The following PLA2G4E variants were observed in gnomAD, a reference collection of about 807,000 sequenced individuals.
PLA2G4E encodes phospholipase A2 group IVE.
PLA2G4E carries 84 observed loss-of-function variants against 109.1 expected under a neutral mutation model. The observed-to-expected ratio is 0.77, with a 90% CI of 0.65 to 0.92. The LOEUF (loss-of-function observed/expected upper bound fraction) is 0.92. PLA2G4E is among the 40% of genes least tolerant of loss of function. The probability of loss-of-function intolerance (pLI) is 0.00; values close to 1 mark genes in which losing one functional copy is unlikely to be tolerated. For synonymous variants in PLA2G4E, 469 were observed against 436.1 expected (o/e 1.08, Z -0.94); for missense variants, 1,057 against 1,076.6 (o/e 0.98, Z 0.25).
intron 9 of PLA2G4E, among the ~76,000 whole-genome samples, 152 bp downstream of exon 9, chr15:41,999,765 G>C (rs763904584): frequency 1.5e-4 from 23 of 152,110 alleles, no homozygotes; most frequent in Non-Finnish European, 2.8e-4. Flanking sequence ...TAGCTCATCA[G>C]TCTCCTGCCC....
intron 5 of PLA2G4E, among the ~76,000 whole-genome samples, chr15:42,004,297 AGAAAGAAAGAAAGGAAAGAAAAG>A (rs199501136): frequency 9.0e-5 from 7 of 77,420 alleles, no homozygotes; most frequent in East Asian, 1.5e-3. Context: ...GTGAGACGAA[AGAAAGAAAGAAAGGAAAGAAAAG>A]GAAAGAAAGG....
At chr15:41,983,262 T>TA (rs1233434383) in exon 20 of PLA2G4E, 7 of 159,266 alleles carry the variant, frequency 4.4e-5, no homozygotes, top group Admixed American at 1.2e-4. Context: ...AGACTCCGTC[T>TA]AAAAAAACCC....
chr15:42,001,826 G>T (rs1466505211), intron 6 of PLA2G4E, among the ~76,000 whole-genome samples: 2 of 152,072 alleles, frequency 1.3e-5, no homozygotes, highest in African/African-American at 2.4e-5. Flanking sequence ...TGAGTAGCTG[G>T]GACTACAGAC....
rs1197910185 is a variant in PLA2G4E, at chr15:41,987,930, GGCCGCCCCCCA to G, written c.1831+108_1831+118del. On this transcript the variant is annotated intron_variant, in intron 16 of 19. Transcript: ENST00000399518. ...CACCCAGCCATGAGGGAAAGCCGGG[GGCCGCCCCCCA>G]TCACCCAGCCATGAGGGAAAGCCGG... 3.0e-3 allele frequency: 1,709 copies of G among 562,494 alleles called. 1 individual carries two copies. Among genetic ancestry groups the G allele is most frequent in the Non-Finnish European group, 4.4e-3 (1,329 of 304,622 alleles). The allele number at this position is 562,494 out of a possible 1,614,324, so 34.8% of individuals were successfully genotyped here.
chr15:42,012,554 G>A (rs1032696854), intron 2 of PLA2G4E, among the ~76,000 whole-genome samples: 4 of 152,116 alleles, frequency 2.6e-5, no homozygotes, highest in African/African-American at 9.7e-5. Flanking sequence ...CCTCAGGACA[G>A]CCTCTCCCCA....
At chr15:42,010,142 C>CCCCCCCCCCG (rs139522193) in intron 2 of PLA2G4E, 23 of 459,716 alleles carry the variant, frequency 5.0e-5, no homozygotes, top group South Asian at 1.7e-4. Context: ...GCCCCCCCAC[C>CCCCCCCCCCG]CCGGGCCTGG....
chr15:41,992,767 G>T, exon 13 of PLA2G4E: 3 of 1,612,796 alleles, frequency 1.9e-6, no homozygotes, highest in Non-Finnish European at 2.5e-6. Context: ...CTATCAGCAG[G>T]CCCCAGAAGT....
chr15:42,000,742 C>T (rs1039800525), intron 7 of PLA2G4E, among the ~76,000 whole-genome samples: 3 of 152,126 alleles, frequency 2.0e-5, no homozygotes, highest in African/African-American at 7.2e-5. Context: ...TCTCTTAGGT[C>T]TCTGCCAGCT....
chr15:42,006,223 G>A, intron 3 of PLA2G4E, 102 bp from the exon 4 acceptor site: 6 of 1,460,360 alleles, frequency 4.1e-6, no homozygotes, highest in Non-Finnish European at 5.6e-6. Context: ...GTAGGTCTGG[G>A]GGATGGGAGA....
chr15:42,013,837 G>T, intron 1 of PLA2G4E, 80 bp from the exon 2 acceptor site: 1 of 1,111,726 alleles, frequency 9.0e-7, no homozygotes, highest in Non-Finnish European at 1.3e-6. Context: ...TTCCCGCTAT[G>T]CCTCCTCAGG....
At chr15:42,048,427 G>T (rs935654760) in intron 1 of PLA2G4E, among the ~76,000 whole-genome samples, 9 of 152,274 alleles carry the variant, frequency 5.9e-5, no homozygotes, top group African/African-American at 2.2e-4. Context: ...AACATTTTTA[G>T]AAATTACTTT....
At chr15:41,991,760 G>T (rs2068252427) in intron 13 of PLA2G4E, among the ~76,000 whole-genome samples, 2 of 152,190 alleles carry the variant, frequency 1.3e-5, no homozygotes, top group African/African-American at 4.8e-5. Flanking sequence ...ATGACTTTCT[G>T]GCAAGTTCTG....
intron 1 of PLA2G4E, among the ~76,000 whole-genome samples, chr15:42,026,051 G>A (rs115941585): frequency 1.8e-3 from 268 of 152,148 alleles, no homozygotes; most frequent in African/African-American, 6.1e-3. Context: ...TTTAAACTTC[G>A]GTAAAGCAAA....
rs1222409613 is a variant in PLA2G4E at position 41,997,196 on chromosome 15, C to T, written c.1038G>A (p.Gln346=). ...CCTTGGCCACCACGACCTTCCGCTT[C>T]TGCAGAAACTCCAGCTCTGCTGGGC... Residue 346 remains glutamine, a synonymous_variant, in exon 11 of 20, where the codon CAG becomes CAA. Coordinates refer to ENST00000399518, the Ensembl canonical transcript of PLA2G4E. 2.6e-6 allele frequency: 4 copies of T among 1,555,214 alleles called. No homozygotes were observed. The African/African-American group carries it at 5.5e-5, about 21-fold the overall frequency.
Position 41,992,977 on chromosome 15 carries a change from C to T in PLA2G4E, c.1248-18G>A, listed in dbSNP as rs953782349. On this transcript the variant is annotated intron_variant, in intron 12 of 19. Coordinates refer to ENST00000399518, the Ensembl canonical transcript of PLA2G4E. ...CCATGGTCCTGGAAAGAGACAGGCA[C>T]AGCTGATAGGGCTGACCCGGCCCCT... is the stretch of plus-strand genomic sequence containing the variant. The T allele has an allele frequency of 3.1e-6, 5 of 1,596,882 alleles. No homozygotes were observed. The highest frequency in any genetic ancestry group is 4.3e-6 in the Non-Finnish European group (5 of 1,171,474).
rs575785828 is a variant in PLA2G4E at position 42,046,131 on chromosome 15, A to G, written c.183+4390T>C. On this transcript the variant is annotated intron_variant, in intron 1 of 19. Coordinates refer to ENST00000399518, the Ensembl canonical transcript of PLA2G4E. Reference sequence around the variant, plus strand: ...TACCACCCCTAACCAAGCCACCTCCATTTCTCTCTGGACCACAGCAAATGC... The same window carrying G: ...TACCACCCCTAACCAAGCCACCTCCGTTTCTCTCTGGACCACAGCAAATGC... Among the ~76,000 whole-genome samples, 20 of 152,114 alleles carry G rather than the reference A, an allele frequency of 1.3e-4. No homozygotes were observed. The East Asian group carries it at 1.5e-3, about 12-fold the overall frequency.
rs376780368 is a variant in PLA2G4E, at chr15:41,985,891, C to T, written c.2150G>A (p.Arg717Gln). The T allele has an allele frequency of 1.7e-5, 28 of 1,610,624 alleles. 1 individual carries two copies. The African/African-American group carries it at 2.3e-4, about 13-fold the overall frequency. ...GAGGTGGATGATGAGGTCGGCTTTTCGCTCTGGCCTGAGGAGGGGCGGGTA... is the reference window on the plus strand; with the variant it reads ...GAGGTGGATGATGAGGTCGGCTTTTTGCTCTGGCCTGAGGAGGGGCGGGTA... Residue 717 changes from arginine to glutamine, a missense_variant, in exon 18 of 20, where the codon CGA becomes CAA. By Grantham distance (43) the Arg-to-Gln change is conservative. Transcript: ENST00000399518.
At chr15:42,001,241 TCA>T in intron 6 of PLA2G4E, 21 bp from the exon 7 acceptor site, 4 of 1,600,772 alleles carry the variant, frequency 2.5e-6, no homozygotes, top group Non-Finnish European at 3.4e-6. Flanking sequence ...CAAAGGAGGG[TCA>T]CAGAGTGTCT....
chr15:42,050,686 C>T (rs772181297), exon 1 of PLA2G4E: 9 of 1,550,206 alleles, frequency 5.8e-6, no homozygotes, highest in South Asian at 2.4e-5. Context: ...GACAGCCTTC[C>T]GAGGCCTGGA....
Sources: gnomAD v4.1 joint callset for allele counts (sites outside exome capture counted in the v4.1 genomes callset) on GRCh38, gnomAD v4.1.1 for gene constraint, MANE v1.5 for transcripts, NCBI Gene and HGNC (gene_info 2026-07-23, HGNC 2026-07-21) for gene names.